PANK2: variants seen among roughly 807,000 people sequenced by gnomAD.
PANK2 encodes pantothenate kinase 2, mitochondrial.
In PANK2, 36 loss-of-function variants were observed where a neutral mutation model predicts 43.1. The observed-to-expected ratio is 0.84, with a 90% CI of 0.64 to 1.10. The LOEUF (loss-of-function observed/expected upper bound fraction) is 1.10. PANK2 is among the 50% of genes least tolerant of loss of function. The probability of loss-of-function intolerance (pLI) is 0.00; values close to 1 mark genes in which losing one functional copy is unlikely to be tolerated. For missense variants in PANK2, 576 were observed against 593.3 expected (o/e 0.97, Z 0.30); for synonymous variants, 281 against 238.2 (o/e 1.18, Z -1.66).
intron 1 of PANK2, among the ~76,000 whole-genome samples, chr20:3,901,906 C>T (rs1031141298): frequency 3.3e-5 from 5 of 151,982 alleles, no homozygotes; most frequent in Non-Finnish European, 5.9e-5. Flanking sequence ...TGTCTTCTGG[C>T]ATCTGTGCTG....
At chr20:3,901,517 G>C (rs2090301637) in intron 1 of PANK2, 1 of 685,558 alleles carries the variant, frequency 1.5e-6, no homozygotes, top group African/African-American at 2.0e-5. Flanking sequence ...GAATTAATCA[G>C]AATCTATCTT....
rs2146804825 is a variant in PANK2 at position 3,889,497 on chromosome 20, A to C, written c.67A>C (p.Met23Leu). Reference sequence around the variant, plus strand: ...GGGAGGGGGCCGGCTCGGCGCGCCCATGGAGCGCCACGGCAGGGCTTCCGC... The same window carrying C: ...GGGAGGGGGCCGGCTCGGCGCGCCCCTGGAGCGCCACGGCAGGGCTTCCGC... The change falls in exon 1 of 7, where the codon ATG becomes CTG. Residue 23 changes from methionine to leucine, a missense_variant. This residue lies in a region of PANK2 where 544 missense variants were observed against 528.9 expected (regional missense o/e 1.03). Coordinates refer to ENST00000610179, the MANE Select transcript of PANK2 (RefSeq NM_001386393.1). 6.8e-7 allele frequency: 1 copy of C among 1,469,120 alleles called. No homozygotes were observed. Among genetic ancestry groups the C allele is most frequent in the South Asian group, 1.4e-5 (1 of 73,754 alleles). The allele number at this position is 1,469,120 out of a possible 1,614,324, so 91.0% of individuals were successfully genotyped here.
chr20:3,900,691 C>G (rs1237751030), intron 1 of PANK2, among the ~76,000 whole-genome samples: 1 of 151,936 alleles, frequency 6.6e-6, no homozygotes, highest in Non-Finnish European at 1.5e-5. Context: ...ATTTCCTCTT[C>G]AGTCTAGAAG....
chr20:3,923,136 G>T, intron 6 of PANK2, 108 bp from the exon 7 acceptor site: 1 of 1,274,482 alleles, frequency 7.8e-7, no homozygotes. Context: ...CAGGAAATGG[G>T]TATGCTGTGT....
chr20:3,892,424 A>G (rs2146814677), intron 1 of PANK2, among the ~76,000 whole-genome samples: 1 of 151,342 alleles, frequency 6.6e-6, no homozygotes, highest in Middle Eastern at 3.4e-3. Context: ...CTCTGAGAGA[A>G]TTCAACTAAG....
intron 6 of PANK2, 43 bp from the exon 7 acceptor site, chr20:3,923,201 G>A: frequency 3.7e-6 from 6 of 1,606,580 alleles, no homozygotes; most frequent in Non-Finnish European, 5.1e-6. Flanking sequence ...ATTTGAATAA[G>A]TCTAAGGAAA....
At chr20:3,912,699 C>A in intron 4 of PANK2, 65 bp downstream of exon 4, 1 of 1,580,080 alleles carries the variant, frequency 6.3e-7, no homozygotes, top group East Asian at 2.2e-5. Flanking sequence ...TGCCTTTAAT[C>A]CCAAAACTTT....
At chr20:3,908,402 T>G (rs1389500114) in intron 2 of PANK2, 124 bp downstream of exon 2, 2 of 985,294 alleles carry the variant, frequency 2.0e-6, no homozygotes, top group African/African-American at 3.2e-5. Flanking sequence ...CAAATGAAGA[T>G]TAAAGGTACG....
intron 4 of PANK2, among the ~76,000 whole-genome samples, chr20:3,913,015 G>A (rs1006434774): frequency 6.7e-5 from 10 of 148,202 alleles, no homozygotes; most frequent in East Asian, 2.0e-4. Flanking sequence ...TATAATTTAC[G>A]TACTATAAAG....
intron 6 of PANK2, among the ~76,000 whole-genome samples, 166 bp downstream of exon 6, chr20:3,918,962 T>C (rs892919132): frequency 3.9e-5 from 6 of 152,144 alleles, no homozygotes; most frequent in African/African-American, 1.4e-4. Context: ...TTGGAGTGCG[T>C]GGCACAGTCT....
intron 6 of PANK2, among the ~76,000 whole-genome samples, chr20:3,920,576 G>C (rs1376829826): frequency 6.6e-6 from 1 of 151,812 alleles, no homozygotes; most frequent in East Asian, 1.9e-4. Flanking sequence ...GCCAGGTGCA[G>C]CGGCTCACGC....
intron 1 of PANK2, among the ~76,000 whole-genome samples, chr20:3,899,013 T>TA: frequency 6.6e-6 from 1 of 151,848 alleles, no homozygotes; most frequent in Non-Finnish European, 1.5e-5. Context: ...TAGCTGGAAT[T>TA]ACAGGTGCCC....
chr20:3,888,948 C>G, upstream of PANK2: 12 of 572,490 alleles, frequency 2.1e-5, no homozygotes, highest in South Asian at 8.6e-5. Flanking sequence ...CGACCAGCGG[C>G]CAGACGCTGC....
At chr20:3,890,010 C>A in intron 1 of PANK2, 3 of 1,216,668 alleles carry the variant, frequency 2.5e-6, no homozygotes, top group Non-Finnish European at 3.4e-6. Flanking sequence ...CTTGGGCATT[C>A]TCTTCCTGAG....
At chr20:3,903,446 CT>C (rs796384440) in intron 1 of PANK2, among the ~76,000 whole-genome samples, 4 of 140,878 alleles carry the variant, frequency 2.8e-5, no homozygotes, top group African/African-American at 5.2e-5. Context: ...CGACGCCCGG[CT>C]TTTTTTTTTC....
chr20:3,915,837 A>G (rs2090551647), intron 4 of PANK2, among the ~76,000 whole-genome samples: 3 of 152,308 alleles, frequency 2.0e-5, no homozygotes, highest in South Asian at 4.1e-4. Flanking sequence ...ATTGATATAT[A>G]TGTCTGTTTT....
intron 4 of PANK2, among the ~76,000 whole-genome samples, chr20:3,914,314 G>C (rs2090524718): frequency 6.6e-6 from 1 of 151,954 alleles, no homozygotes; most frequent in Admixed American, 6.6e-5. Context: ...GTGATATCTT[G>C]TAGCGTTTTT....
chr20:3,908,130 G>T lies in PANK2; in HGVS notation c.503G>T (p.Arg168Leu), dbSNP rs1348762206. The change falls in exon 2 of 7, where the codon CGC (arginine) becomes CTC (leucine). Residue 168 changes from arginine to leucine, a missense_variant. Arg to Leu is a moderately radical substitution (Grantham distance 102). This residue lies in a region of PANK2 where 544 missense variants were observed against 528.9 expected (regional missense o/e 1.03). Transcript: ENST00000610179. ...CTGAAGGACCTGACTCTGTGTGGAC[G>T]CAAAGGCAATCTGCACTTTATACGC... 2.5e-6 allele frequency: 4 copies of T among 1,614,154 alleles called. No homozygotes were observed. Among genetic ancestry groups the T allele is most frequent in the East Asian group, 2.2e-5 (1 of 44,888 alleles).
rs2090720492 is a variant in PANK2 at position 3,926,432 on chromosome 20, A to G, written c.*3138A>G. ...GGCATCTGAATTGAGGTTGCCCACA[A>G]TTGGTTGCAAGATCGTGGCTGGCCT... On this transcript the variant is annotated 3_prime_UTR_variant, in exon 7 of 7. Transcript: ENST00000610179. The G allele has an allele frequency of 6.6e-6, 1 of 152,406 alleles. No individual in the cohort carries two copies. The highest frequency in any genetic ancestry group is 1.9e-4 in the East Asian group (1 of 5,188). 9.4% of individuals were successfully genotyped at this position (152,406 alleles called of 1,614,324 possible). A position where few individuals can be genotyped will look rare whatever the true frequency, so the allele number is the denominator to read the frequency against.
Sources: gnomAD v4.1 joint callset for allele counts (sites outside exome capture counted in the v4.1 genomes callset) on GRCh38, gnomAD v4.1.1 for gene constraint, gnomAD v4.1.1 regional missense constraint, MANE v1.5 for transcripts, NCBI Gene and HGNC (gene_info 2026-07-23, HGNC 2026-07-21) for gene names.